SH2B1: variants seen among roughly 807,000 people sequenced by gnomAD.
The protein encoded by SH2B1 is SH2B adaptor protein 1, also known as SH2B adapter protein 1.
Under a neutral mutation model 62.6 loss-of-function variants are expected in SH2B1, and 15 were observed. The observed-to-expected ratio is 0.24, with a 90% CI of 0.16 to 0.37. The LOEUF (loss-of-function observed/expected upper bound fraction) is 0.37. Among genes scored for constraint, SH2B1 ranks in the 10% least tolerant of loss-of-function variants. The pLI, the probability that SH2B1 is intolerant of heterozygous loss-of-function variation, is 1.00. For missense variants in SH2B1, 925 were observed against 1,015.6 expected (o/e 0.91, Z 1.21); for synonymous variants, 443 against 438.0 (o/e 1.01, Z -0.14).
At chr16:28,863,698 G>A, upstream of SH2B1, 2 of 1,535,820 alleles carry the variant, frequency 1.3e-6, no homozygotes, top group East Asian at 2.4e-5. Context: ...GAAGCCCTAC[G>A]AGATTCACAC....
At chr16:28,857,280 CAAA>C (rs35671502) in intron 1 of SH2B1, among the ~76,000 whole-genome samples, 4 of 108,540 alleles carry the variant, frequency 3.7e-5, no homozygotes, top group African/African-American at 3.5e-5. Flanking sequence ...GACTCTGTCT[CAAA>C]AAAAAAAAAA....
chr16:28,851,141 T>C (rs1198130539), intron 1 of SH2B1, among the ~76,000 whole-genome samples: 1 of 139,620 alleles, frequency 7.2e-6, no homozygotes, highest in African/African-American at 2.7e-5. Flanking sequence ...GCCACTGCAC[T>C]CCAGCCTGCC....
chr16:28,872,973 C>A lies in SH2B1; in HGVS notation c.1897+268C>A, dbSNP rs1024302546. 3.1e-6 allele frequency: 2 copies of A among 637,686 alleles called. No individual in the cohort carries two copies. The highest frequency in any genetic ancestry group is 2.8e-5 in the Admixed American group (1 of 35,558). 39.5% of individuals were successfully genotyped at this position (637,686 alleles called of 1,614,324 possible). ...TCCCCATTCCATCGGATCCTCTGTT[C>A]CATTGTCTGTCTGTCTCCTGGACCC... On this transcript the variant is annotated intron_variant, in intron 7 of 7. Transcript: ENST00000684370. The surrounding 1 kb of genome is among the most constrained non-coding windows in gnomAD (Gnocchi z 5.3).
At position 28,869,397 on chromosome 16, in the gene SH2B1, C is replaced by T. The variant is rs756332175; in HGVS notation, c.1309+14C>T. On this transcript the variant is annotated intron_variant, in intron 4 of 7. Transcript: ENST00000684370. ...GCCTGTCGCAGGGTAAGGGTGGAGC[C>T]TTAGAGAGCTCGGAGCCTCGGAACC... 2.5e-6 allele frequency: 4 copies of T among 1,603,612 alleles called. No individual in the cohort carries two copies. Among genetic ancestry groups the T allele is most frequent in the South Asian group, 1.1e-5 (1 of 90,884 alleles).
intron 1 of SH2B1, among the ~76,000 whole-genome samples, chr16:28,858,027 C>T (rs1354448540): frequency 6.6e-6 from 1 of 152,010 alleles, no homozygotes; most frequent in East Asian, 1.9e-4. Context: ...GCGTGAGCCA[C>T]CGCGCCCGGC....
Position 28,864,382 on chromosome 16 carries a change from G to T in SH2B1, c.-1713G>T. On this transcript the variant is annotated 5_prime_UTR_variant, in exon 1 of 8. Transcript: ENST00000684370. Reference sequence around the variant, plus strand: ...GGCTGGGTCTGTCTGCGGTGCGGAGGATTGGGTGGGCCTGTGTGAGCCGAG... The same window carrying T: ...GGCTGGGTCTGTCTGCGGTGCGGAGTATTGGGTGGGCCTGTGTGAGCCGAG... The T allele has an allele frequency of 1.0e-6, 1 of 989,124 alleles. No individual in the cohort carries two copies. The highest frequency in any genetic ancestry group is 1.2e-6 in the Non-Finnish European group (1 of 831,970). 61.3% of individuals were successfully genotyped at this position (989,124 alleles called of 1,614,324 possible). A position where few individuals can be genotyped will look rare whatever the true frequency, so the allele number is the denominator to read the frequency against.
chr16:28,868,215 C>G (rs1395482683), intron 2 of SH2B1, among the ~76,000 whole-genome samples: 6 of 152,020 alleles, frequency 3.9e-5, no homozygotes, highest in Non-Finnish European at 8.8e-5. Flanking sequence ...TCTCGACTCA[C>G]TGCAAGCTCC....
rs746074233 is a variant in SH2B1, at chr16:28,873,717, C to A, written c.2168C>A (p.Ala723Glu). The A allele has an allele frequency of 2.0e-6, 3 of 1,498,054 alleles. No individual in the cohort carries two copies. Among genetic ancestry groups the A allele is most frequent in the East Asian group, 5.0e-5 (2 of 40,398 alleles). 92.8% of individuals were successfully genotyped at this position (1,498,054 alleles called of 1,614,324 possible). ...CAGGGCGCTGGGTCTGGTGGGGACG[C>A]GGGGGTGCCCCCAATGGTGCAGCTG... ...EAQGAGSGGD[A>E]GVPPMVQLQQ... Residue 723 changes from alanine (A) to glutamate (E), a missense_variant, in exon 8 of 8, where the codon GCG becomes GAG. This residue lies in a region of SH2B1 where 185 missense variants were observed against 189.5 expected (regional missense o/e 0.98). Transcript: ENST00000684370. This position sits in a 1 kb window ranked among gnomAD's most constrained non-coding sequence, Gnocchi z 4.2.
chr16:28,860,943 A>G (rs747554410), upstream of SH2B1, among the ~76,000 whole-genome samples: 1 of 151,284 alleles, frequency 6.6e-6, no homozygotes, highest in Non-Finnish European at 1.5e-5. Flanking sequence ...CAGCCTCCCA[A>G]GCAGCTGGGA....
intron 1 of SH2B1, among the ~76,000 whole-genome samples, chr16:28,848,165 G>A (rs1189421039): frequency 1.3e-5 from 2 of 151,942 alleles, no homozygotes; most frequent in Non-Finnish European, 2.9e-5. Context: ...TTGGCCAGGC[G>A]TGGTGGCTCA....
rs552117305 is a variant in SH2B1 at position 28,865,400 on chromosome 16, G to A, written c.-695G>A. ...ATGAATCGGCCCCCTCCAAAGAGTTGGACCCTAAGATGCGTGAGGCAGGCT... is the reference window on the plus strand; with the variant it reads ...ATGAATCGGCCCCCTCCAAAGAGTTAGACCCTAAGATGCGTGAGGCAGGCT... On this transcript the variant is annotated 5_prime_UTR_variant, in exon 1 of 8. It introduces an in-frame stop codon into an upstream open reading frame of the 5' UTR. Coordinates refer to ENST00000684370, the MANE Select transcript of SH2B1 (RefSeq NM_001387430.1). 1.7e-5 allele frequency: 17 copies of A among 985,624 alleles called. No individual in the cohort carries two copies. In the African/African-American group the frequency reaches 2.6e-4, roughly 15 times the overall value. 61.1% of individuals were successfully genotyped at this position (985,624 alleles called of 1,614,324 possible).
chr16:28,852,440 A>ATATATATTTACATATATATT lies in SH2B1; in HGVS notation c.-301+5621_-301+5640dup, dbSNP rs1260976028. On this transcript the variant is annotated intron_variant, in intron 1 of 10. Transcript: ENST00000322610. ...TTTATATATTTACATATATATTTAT[A>ATATATATTTACATATATATT]TATATATTTACATATATATTTATAT... 3.1e-4 allele frequency among the ~76,000 whole-genome samples: 18 copies of ATATATATTTACATATATATT among 58,950 alleles called. 7 individuals carry two copies. The highest frequency in any genetic ancestry group is 5.6e-4 in the Admixed American group (2 of 3,586). 38.7% of individuals were successfully genotyped at this position (58,950 alleles called of 152,430 possible).
At position 28,873,284 on chromosome 16, in the gene SH2B1, C is replaced by T. The variant is rs6420451; in HGVS notation, c.1898-163C>T. The T allele has an allele frequency of 7.5e-6, 12 of 1,601,844 alleles. No homozygotes were observed. The highest frequency in any genetic ancestry group is 6.7e-5 in the East Asian group (3 of 44,666). On this transcript the variant is annotated intron_variant, in intron 7 of 7. Transcript: ENST00000684370. The surrounding 1 kb of genome is among the most constrained non-coding windows in gnomAD (Gnocchi z 4.2). ...AGTGACTGTGTGTAAGTGTGGTCCT[C>T]CTCTCACCACCGCCCATGATCCATC...
upstream of SH2B1, chr16:28,863,516 C>A: frequency 1.6e-6 from 1 of 638,808 alleles, no homozygotes; most frequent in Non-Finnish European, 2.6e-6. Flanking sequence ...CGGTGCTCGG[C>A]GGCTACTCTA....
At chr16:28,860,004 G>A (rs1338575129), upstream of SH2B1, among the ~76,000 whole-genome samples, 1 of 151,792 alleles carries the variant, frequency 6.6e-6, no homozygotes, top group East Asian at 1.9e-4. Flanking sequence ...TAATGCCTTG[G>A]CTTAACCTGG....
At chr16:28,853,930 A>C (rs541677377) in intron 1 of SH2B1, among the ~76,000 whole-genome samples, 13 of 131,710 alleles carry the variant, frequency 9.9e-5, no homozygotes, top group Non-Finnish European at 2.0e-4. Context: ...AAAACCCGGG[A>C]GGTGGAGCTT....
At chr16:28,850,850 G>A (rs1291177520) in intron 1 of SH2B1, among the ~76,000 whole-genome samples, 2 of 125,150 alleles carry the variant, frequency 1.6e-5, no homozygotes, top group African/African-American at 3.2e-5. Context: ...CAGAGTGAGC[G>A]AGACTCCATC....
chr16:28,851,459 CT>C (rs369515117), intron 1 of SH2B1, among the ~76,000 whole-genome samples: 46,457 of 138,360 alleles, frequency 0.34, 7,962 homozygotes, highest in Admixed American at 0.4. Flanking sequence ...CGCCTTTCTT[CT>C]TTTTTTTTTT....
chr16:28,850,753 G>A (rs1962077427), intron 1 of SH2B1, among the ~76,000 whole-genome samples: 1 of 151,790 alleles, frequency 6.6e-6, no homozygotes, highest in African/African-American at 2.4e-5. Flanking sequence ...CAGCTACTTG[G>A]GAGGCTGAAA....
Sources: allele counts gnomAD v4.1 joint callset (sites outside exome capture counted in the v4.1 genomes callset), GRCh38; gene constraint gnomAD v4.1.1; regional missense constraint gnomAD v4.1.1; non-coding constraint Gnocchi (gnomAD v3.1); transcripts MANE v1.5; gene names NCBI Gene and HGNC (gene_info 2026-07-23, HGNC 2026-07-21).